BAHCC1: variants seen among roughly 807,000 people sequenced by gnomAD.
The protein encoded by BAHCC1 is BAH and coiled-coil domain-containing protein 1.
In BAHCC1, 43 loss-of-function variants were observed where a neutral mutation model predicts 88.2. That is an observed-to-expected ratio of 0.49 (90% CI 0.38 to 0.63). BAHCC1 has a LOEUF of 0.63. BAHCC1 is among the 20% of genes least tolerant of loss of function. The probability of loss-of-function intolerance (pLI) is 0.00; values close to 1 mark genes in which losing one functional copy is unlikely to be tolerated. For synonymous variants in BAHCC1, 1,510 were observed against 745.5 expected (o/e 2.03, Z -16.71); for missense variants, 3,023 against 1,654.8 (o/e 1.83, Z -14.34).
rs113216778 is a variant in BAHCC1 at position 81,442,746 on chromosome 17, A to C, written c.1397A>C (p.Lys466Thr). 6 of 778,662 alleles carry C rather than the reference A, an allele frequency of 7.7e-6. No individual in the cohort carries two copies. The highest frequency in any genetic ancestry group is 1.7e-5 in the African/African-American group (1 of 59,244). The allele number at this position is 778,662 out of a possible 1,614,324, so 48.2% of individuals were successfully genotyped here. Residue 466 changes from lysine (K) to threonine (T), a missense_variant, in exon 5 of 28, where the codon AAG (lysine) becomes ACG (threonine). Lys to Thr is a moderately conservative substitution (Grantham distance 78, BLOSUM62 -1). Transcript: ENST00000675386. ...GFEAALNPRL[K>T]GLDYLSSAGP... ...GAGGCGGCCCTCAACCCCCGGCTAA[A>C]GGGCCTCGACTATCTCAGCAGCGCA...
chr17:81,422,482 T>A (rs557455267), intron 2 of BAHCC1, among the ~76,000 whole-genome samples: 158 of 152,342 alleles, frequency 1.0e-3, no homozygotes, highest in African/African-American at 3.7e-3. Context: ...GACAGCACTT[T>A]GGGACCCCCA....
intron 1 of BAHCC1, chr17:81,397,065 C>G (rs2063753130): frequency 6.6e-6 from 1 of 152,004 alleles, no homozygotes; most frequent in Non-Finnish European, 1.5e-5. Context: ...CGCCCTTCCT[C>G]GCCCCACTTC....
Position 81,435,509 on chromosome 17 carries a change from T to A in BAHCC1, c.359-2861T>A. The A allele has an allele frequency of 2.1e-6, 1 of 470,840 alleles. No individual in the cohort carries two copies. Among genetic ancestry groups the A allele is most frequent in the Non-Finnish European group, 4.4e-6 (1 of 226,866 alleles). 29.2% of individuals were successfully genotyped at this position (470,840 alleles called of 1,614,324 possible). On this transcript the variant is annotated intron_variant, in intron 3 of 27. Transcript: ENST00000675386. The surrounding 1 kb of genome is among the most constrained non-coding windows in gnomAD (Gnocchi z 4.4). ...GGTTCGCTTAGCCCAGGGCTTGCCCTTGTCTGTTGGGGTGATCATAAAAGC... is the reference window on the plus strand; with the variant it reads ...GGTTCGCTTAGCCCAGGGCTTGCCCATGTCTGTTGGGGTGATCATAAAAGC...
chr17:81,432,933 G>A (rs1555651157), intron 3 of BAHCC1, among the ~76,000 whole-genome samples: 2 of 107,386 alleles, frequency 1.9e-5, no homozygotes, highest in Non-Finnish European at 3.8e-5. Context: ...CAGGAAGGCT[G>A]CGCTCCTCCC....
At chr17:81,422,704 T>C (rs1172839638) in intron 2 of BAHCC1, 2 of 386,216 alleles carry the variant, frequency 5.2e-6, no homozygotes, top group South Asian at 1.9e-5. Flanking sequence ...TGATGTGGTG[T>C]GGGAGAGCTC....
In BAHCC1 at chr17:81,435,968, G is replaced by A. The variant is rs2143471510; in HGVS notation, c.359-2402G>A. On this transcript the variant is annotated intron_variant, in intron 3 of 27. Coordinates refer to ENST00000675386, the MANE Select transcript of BAHCC1 (RefSeq NM_001377448.1). The surrounding 1 kb of genome is among the most constrained non-coding windows in gnomAD (Gnocchi z 4.4). ...CAGTTTTGAGAGTATGGTCTTATTGGGAAAAAGAAAGGGGCTTTCTGTCGC... is the reference window on the plus strand; with the variant it reads ...CAGTTTTGAGAGTATGGTCTTATTGAGAAAAAGAAAGGGGCTTTCTGTCGC... Among the ~76,000 whole-genome samples, 1 of 152,246 alleles carries A rather than the reference G, an allele frequency of 6.6e-6. No homozygotes were observed. Among genetic ancestry groups the A allele is most frequent in the African/African-American group, 2.4e-5 (1 of 41,540 alleles).
chr17:81,417,555 A>ACCCCCCCCCCCCCCC (rs58215427), intron 2 of BAHCC1, among the ~76,000 whole-genome samples: 2 of 131,408 alleles, frequency 1.5e-5, no homozygotes, highest in African/African-American at 3.1e-5. Context: ...AGCGTCGGCC[A>ACCCCCCCCCCCCCCC]CCCCCCCCCC....
At position 81,465,491 on chromosome 17, in the gene BAHCC1, TG is replaced by T. The variant is rs1326055038; in HGVS notation, c.*1680del. On this transcript the variant is annotated 3_prime_UTR_variant, in exon 28 of 28. Coordinates refer to ENST00000675386, the MANE Select transcript of BAHCC1 (RefSeq NM_001377448.1). ...AACAGCCTTCAGCCTCAGAAACGCA[TG>T]GGGGGCCACACACTCCTTATATCCT... 1 of 152,308 alleles carries T rather than the reference TG, an allele frequency of 6.6e-6. No homozygotes were observed. Among genetic ancestry groups the T allele is most frequent in the East Asian group, 1.9e-4 (1 of 5,198 alleles). 9.4% of individuals were successfully genotyped at this position (152,308 alleles called of 1,614,324 possible). A position where few individuals can be genotyped will look rare whatever the true frequency, so the allele number is the denominator to read the frequency against.
intron 2 of BAHCC1, among the ~76,000 whole-genome samples, chr17:81,415,228 G>A (rs1211309951): frequency 6.6e-6 from 1 of 152,232 alleles, no homozygotes; most frequent in Non-Finnish European, 1.5e-5. Context: ...CATCTTCCTG[G>A]ACCCTGGGTT....
In BAHCC1 at chr17:81,456,305, G is replaced by A. The variant is rs1356574235; in HGVS notation, c.4578G>A (p.Ala1526=). ...AGLQTASVEK[A]QCKKSSCQGG... ...CCCCTCCCTGTTCACAGGAGAAGGC[G>A]CAGTGTAAGAAGAGCAGCTGTCAGG... Residue 1526 remains alanine (A), a synonymous_variant, in exon 16 of 28, where the codon GCG becomes GCA. Transcript: ENST00000675386. 1.7e-5 allele frequency: 12 copies of A among 716,264 alleles called. No homozygotes were observed. The highest frequency in any genetic ancestry group is 1.2e-4 in the African/African-American group (7 of 57,090). 44.4% of individuals were successfully genotyped at this position (716,264 alleles called of 1,614,324 possible).
Position 81,458,146 on chromosome 17 carries a change from C to T in BAHCC1, c.5042-19C>T. On this transcript the variant is annotated intron_variant, in intron 17 of 27. Coordinates refer to ENST00000675386, the MANE Select transcript of BAHCC1 (RefSeq NM_001377448.1). The stretch of plus-strand genomic sequence containing the variant: ...TCTAGGATGGGGACCCCTGTGACGG[C>T]CTCCTCTCCTTCCCACAGGGGCCTG... 1 of 716,074 alleles carries T rather than the reference C, an allele frequency of 1.4e-6. No individual in the cohort carries two copies. Among genetic ancestry groups the T allele is most frequent in the Non-Finnish European group, 2.6e-6 (1 of 384,692 alleles). The allele number at this position is 716,074 out of a possible 1,614,324, so 44.4% of individuals were successfully genotyped here. A position where few individuals can be genotyped will look rare whatever the true frequency, so the allele number is the denominator to read the frequency against.
chr17:81,417,555 A>ACCCCCCCCCCCC (rs58215427), intron 2 of BAHCC1, among the ~76,000 whole-genome samples: 7 of 131,366 alleles, frequency 5.3e-5, no homozygotes, highest in African/African-American at 2.2e-4. Context: ...AGCGTCGGCC[A>ACCCCCCCCCCCC]CCCCCCCCCC....
chr17:81,454,676 GGTA>G (rs1179767274), intron 14 of BAHCC1, among the ~76,000 whole-genome samples: 2 of 152,166 alleles, frequency 1.3e-5, no homozygotes, highest in African/African-American at 4.8e-5. Flanking sequence ...TCCTAAGGGT[GGTA>G]GTATCAGGCC....
In BAHCC1 at chr17:81,442,429, C is replaced by T. The variant is rs973770584; in HGVS notation, c.1080C>T (p.Ala360=). 2.5e-5 allele frequency: 18 copies of T among 706,724 alleles called. No homozygotes were observed. Among genetic ancestry groups the T allele is most frequent in the Non-Finnish European group, 3.9e-5 (15 of 381,356 alleles). 43.8% of individuals were successfully genotyped at this position (706,724 alleles called of 1,614,324 possible). The change falls in exon 5 of 28, where the codon GCC becomes GCT. Residue 360 remains alanine, a synonymous_variant. Transcript: ENST00000675386. ...YAGPPPPLST[A]AGSFPCLQLH... ...GGCCACCCCCGCCCCTCAGCACAGC[C>T]GCCGGCTCCTTCCCCTGCCTGCAGC...
intron 2 of BAHCC1, chr17:81,421,863 C>T (rs545381970): frequency 4.1e-5 from 13 of 315,780 alleles, no homozygotes; most frequent in East Asian, 1.3e-4. Context: ...AGGCTCAGTA[C>T]GCAGGATGCC....
chr17:81,423,600 T>C (rs1394245447), intron 2 of BAHCC1, among the ~76,000 whole-genome samples: 3 of 152,220 alleles, frequency 2.0e-5, no homozygotes, highest in African/African-American at 7.2e-5. Context: ...CAGGCCAGGC[T>C]TGCTGCCCGT....
At position 81,442,502 on chromosome 17, in the gene BAHCC1, C is replaced by T. The variant is rs370294799; in HGVS notation, c.1153C>T (p.Arg385Trp). ...CTGCCCGCTGCAGGACAAAGCCCCC[C>T]GGGACCTAAAGGCCAGCGGGCCCAC... is the stretch of plus-strand genomic sequence containing the variant. The part of the protein sequence containing the change: ...GLCPLQDKAP[R>W]DLKASGPTFV... Residue 385 changes from arginine to tryptophan, a missense_variant, in exon 5 of 28, where the codon CGG becomes TGG. Transcript: ENST00000675386. The T allele has an allele frequency of 1.3e-5, 9 of 719,748 alleles. No individual in the cohort carries two copies. The highest frequency in any genetic ancestry group is 4.5e-5 in the South Asian group (3 of 67,158). 44.6% of individuals were successfully genotyped at this position (719,748 alleles called of 1,614,324 possible).
chr17:81,398,386 G>A (rs1376454271), intron 1 of BAHCC1, among the ~76,000 whole-genome samples: 1 of 152,184 alleles, frequency 6.6e-6, no homozygotes, highest in Non-Finnish European at 1.5e-5. Context: ...TTAGGTGGCC[G>A]AGGTCCGGGC....
chr17:81,421,901 G>C (rs782188570), intron 2 of BAHCC1: 1 of 383,850 alleles, frequency 2.6e-6, no homozygotes, highest in Non-Finnish European at 5.2e-6. Context: ...TGCAGCATGC[G>C]ACCCCATGTG....
Sources: allele counts gnomAD v4.1 joint callset (sites outside exome capture counted in the v4.1 genomes callset), GRCh38; gene constraint gnomAD v4.1.1; non-coding constraint Gnocchi (gnomAD v3.1); transcripts MANE v1.5; gene names NCBI Gene and HGNC (gene_info 2026-07-23, HGNC 2026-07-21).